The following AOAH variants were observed in gnomAD, a reference collection of about 807,000 sequenced individuals.
AOAH encodes acyloxyacyl hydrolase.
Under a neutral mutation model 92.2 loss-of-function variants are expected in AOAH, and 64 were observed. That is an observed-to-expected ratio of 0.69 (90% CI 0.57 to 0.86). The LOEUF (loss-of-function observed/expected upper bound fraction) is 0.86, where lower values mean the gene tolerates loss of function less well. Among genes scored for constraint, AOAH ranks in the 40% least tolerant of loss-of-function variants. AOAH has a pLI of 0.00. For synonymous variants in AOAH, 263 were observed against 254.5 expected, an observed-to-expected ratio of 1.03 and a Z score of -0.32; for missense variants, 656 against 694.6, an observed-to-expected ratio of 0.94 and a Z score of 0.62.
intron 5 of AOAH, among the ~76,000 whole-genome samples, chr7:36,634,416 G>A (rs2116271433): frequency 6.6e-6 from 1 of 152,250 alleles, no homozygotes; most frequent in East Asian, 1.9e-4. Context: ...AATTACCGGT[G>A]CATGCAGCCC....
At chr7:36,649,034 T>C (rs971168072) in intron 4 of AOAH, among the ~76,000 whole-genome samples, 1 of 152,234 alleles carries the variant, frequency 6.6e-6, no homozygotes, top group Non-Finnish European at 1.5e-5. Context: ...GGATTTTAGA[T>C]GCTGTGTATA....
Position 36,548,700 on chromosome 7 carries a change from G to A in AOAH, c.1059-14C>T, listed in dbSNP as rs757413650. The A allele has an allele frequency of 1.9e-6, 3 of 1,609,032 alleles. No individual in the cohort carries two copies. The highest frequency in any genetic ancestry group is 2.6e-6 in the Non-Finnish European group (3 of 1,175,612). ...TTTCTAGACAAGCTGAGAAGGCATA[G>A]ATGGAATCTGAATGTCAGATACTTG... is the stretch of plus-strand genomic sequence containing the variant. On this transcript the variant is annotated splice_polypyrimidine_tract_variant and intron_variant, in intron 14 of 20. Coordinates refer to ENST00000617537, the MANE Select transcript of AOAH (RefSeq NM_001637.4).
At chr7:36,704,233 T>A (rs1176252435) in intron 1 of AOAH, among the ~76,000 whole-genome samples, 3 of 152,214 alleles carry the variant, frequency 2.0e-5, no homozygotes, top group Non-Finnish European at 2.9e-5. Flanking sequence ...TTTAAGTTCC[T>A]TGTAGATTCT....
intron 11 of AOAH, among the ~76,000 whole-genome samples, chr7:36,611,785 G>A (rs1403955552): frequency 1.3e-5 from 2 of 152,106 alleles, no homozygotes; most frequent in Admixed American, 1.3e-4. Flanking sequence ...TGTCTGGTTG[G>A]AATTCAACAT....
At chr7:36,690,685 G>A (rs1450757708) in intron 1 of AOAH, among the ~76,000 whole-genome samples, 1 of 152,116 alleles carries the variant, frequency 6.6e-6, no homozygotes, top group Non-Finnish European at 1.5e-5. Context: ...TGAGAAGAGG[G>A]GGCGAGAGCT....
intron 1 of AOAH, among the ~76,000 whole-genome samples, chr7:36,693,943 A>T (rs1461237854): frequency 1.3e-5 from 2 of 152,252 alleles, no homozygotes; most frequent in East Asian, 3.8e-4. Context: ...GCAATGTCAC[A>T]GAATTCTTTG....
intron 1 of AOAH, among the ~76,000 whole-genome samples, chr7:36,692,569 G>T (rs1797467471): frequency 6.6e-6 from 1 of 152,120 alleles, no homozygotes; most frequent in African/African-American, 2.4e-5. Context: ...AAGGCTTAGG[G>T]CATTGATAAG....
intron 1 of AOAH, among the ~76,000 whole-genome samples, chr7:36,721,350 C>T (rs1399357578): frequency 6.6e-6 from 1 of 152,176 alleles, no homozygotes; most frequent in African/African-American, 2.4e-5. Context: ...CCCGGCTTCT[C>T]TCTGCCAACC....
chr7:36,518,191 T>TTTTTG (rs1165077526), intron 20 of AOAH, among the ~76,000 whole-genome samples: 2 of 151,398 alleles, frequency 1.3e-5, no homozygotes, highest in East Asian at 1.9e-4. Context: ...AGATCTCTTT[T>TTTTTG]TTTTGTTTTG....
intron 9 of AOAH, 55 bp from the exon 10 acceptor site, chr7:36,618,400 T>C: frequency 6.6e-7 from 1 of 1,520,476 alleles, no homozygotes; most frequent in Non-Finnish European, 9.1e-7. Context: ...ATGAGATACA[T>C]ATACTAAAGC....
intron 6 of AOAH, among the ~76,000 whole-genome samples, chr7:36,624,556 G>C (rs1265383486): frequency 6.6e-6 from 1 of 152,162 alleles, no homozygotes; most frequent in African/African-American, 2.4e-5. Flanking sequence ...ATACTTTTGG[G>C]GCTGGGAATT....
In AOAH at chr7:36,718,349, G is replaced by A. The variant is rs150046787; in HGVS notation, c.127+5673C>T. Reference sequence around the variant, plus strand: ...GGAGAAGTTACAACTTTCATACACCGCTGGTAGAAATGTAAAATGGTGCAG... The same window carrying A: ...GGAGAAGTTACAACTTTCATACACCACTGGTAGAAATGTAAAATGGTGCAG... On this transcript the variant is annotated intron_variant, in intron 1 of 20. Coordinates refer to ENST00000617537, the MANE Select transcript of AOAH (RefSeq NM_001637.4). Among the ~76,000 whole-genome samples the A allele has an allele frequency of 2.6e-4, 39 of 152,256 alleles. 1 individual carries two copies. The highest frequency in any genetic ancestry group is 6.5e-4 in the African/African-American group (27 of 41,552).
At chr7:36,656,809 G>C (rs1026014433) in intron 4 of AOAH, among the ~76,000 whole-genome samples, 2 of 146,670 alleles carry the variant, frequency 1.4e-5, no homozygotes, top group African/African-American at 5.1e-5. Context: ...ACTTCACCAC[G>C]GCACCTAGAT....
Position 36,616,427 on chromosome 7 carries a change from G to A in AOAH, c.799C>T (p.His267Tyr), listed in dbSNP as rs747906234. The change falls in exon 11 of 21, where the codon CAT becomes TAT. Residue 267 changes from histidine (H) to tyrosine (Y), a missense_variant. Physicochemically the swap from His to Tyr is moderately conservative, Grantham distance 83. Transcript: ENST00000617537. ...ATCCATTCAGGAGAGATGTGAAAATGAGCCCCAGCTGAGTCTCCCAGCAAA... is the reference window on the plus strand; with the variant it reads ...ATCCATTCAGGAGAGATGTGAAAATAAGCCCCAGCTGAGTCTCCCAGCAAA... Reference protein sequence around the residue: ...IILLGDSAGAHFHISPEWITA... With the variant: ...IILLGDSAGAYFHISPEWITA... 3 of 1,614,134 alleles carry A rather than the reference G, an allele frequency of 1.9e-6. No homozygotes were observed. Among genetic ancestry groups the A allele is most frequent in the African/African-American group, 1.3e-5 (1 of 75,052 alleles).
chr7:36,663,253 C>A (rs1795325266), intron 3 of AOAH, among the ~76,000 whole-genome samples: 1 of 152,164 alleles, frequency 6.6e-6, no homozygotes, highest in African/African-American at 2.4e-5. Flanking sequence ...CACAGGCTCC[C>A]CTATTATCAT....
At chr7:36,594,575 C>A in intron 11 of AOAH, 145 bp from the exon 12 acceptor site, 1 of 735,494 alleles carries the variant, frequency 1.4e-6, no homozygotes, top group Non-Finnish European at 2.4e-6. Flanking sequence ...GTATTCAAGG[C>A]AGATGTCTCT....
intron 1 of AOAH, among the ~76,000 whole-genome samples, chr7:36,700,193 A>G (rs910006974): frequency 8.6e-5 from 13 of 152,020 alleles, no homozygotes; most frequent in African/African-American, 2.9e-4. Context: ...AAACATTTGT[A>G]TACATATAAG....
chr7:36,665,961 G>A (rs542256088), intron 3 of AOAH, among the ~76,000 whole-genome samples: 12 of 152,112 alleles, frequency 7.9e-5, no homozygotes, highest in East Asian at 3.9e-4. Flanking sequence ...ATATTTTGCC[G>A]AGGATTTTCC....
chr7:36,557,375 T>A (rs923634721), intron 13 of AOAH, among the ~76,000 whole-genome samples: 4 of 152,180 alleles, frequency 2.6e-5, no homozygotes, highest in African/African-American at 9.7e-5. Flanking sequence ...GATGTGCTTC[T>A]CTTTGTGGGT....
Sources: gnomAD v4.1 joint callset for allele counts (sites outside exome capture counted in the v4.1 genomes callset) on GRCh38, gnomAD v4.1.1 for gene constraint, MANE v1.5 for transcripts, NCBI Gene and HGNC (gene_info 2026-07-23, HGNC 2026-07-21) for gene names.